Variants in TANC1 observed in about 807,000 individuals in gnomAD.
The protein encoded by TANC1 is protein TANC1.
A neutral mutation model predicts 149.7 loss-of-function variants in TANC1; 77 were observed. That is an observed-to-expected ratio of 0.51 (90% CI 0.43 to 0.62). The LOEUF is 0.62. Ranked by LOEUF, TANC1 falls within the 20% of genes least tolerant of loss-of-function variation. The pLI, the probability that TANC1 is intolerant of heterozygous loss-of-function variation, is 0.00. For synonymous variants in TANC1, 854 were observed against 925.0 expected (o/e 0.92, Z 1.39); for missense variants, 1,985 against 2,321.8 (o/e 0.85, Z 2.98).
In TANC1 at chr2:159,082,033, AGCCCT is replaced by A. The variant is rs1274554080; in HGVS notation, c.62-15594_62-15590del. Among the ~76,000 whole-genome samples the A allele has an allele frequency of 1.2e-4, 19 of 152,370 alleles. 1 individual carries two copies. The highest frequency in any genetic ancestry group is 1.0e-3 in the South Asian group (5 of 4,834). Reference sequence around the variant, plus strand: ...CCCTTCCAGAGCCCACCTGCTGCCCAGCCCTGCCCTGCCCAGCCAAGCCATACCCT... The same window carrying A: ...CCCTTCCAGAGCCCACCTGCTGCCCAGCCCTGCCCAGCCAAGCCATACCCT... On this transcript the variant is annotated intron_variant, in intron 3 of 26. Transcript: ENST00000263635.
At chr2:159,007,520 A>G (rs184623642) in intron 2 of TANC1, among the ~76,000 whole-genome samples, 27 of 152,288 alleles carry the variant, frequency 1.8e-4, no homozygotes, top group Non-Finnish European at 3.2e-4. Flanking sequence ...AGTTGCCTAC[A>G]GTATTCACTA....
chr2:159,172,276 ATCTT>A lies in TANC1; in HGVS notation c.1503+9_1503+12del. On this transcript the variant is annotated splice_donor_5th_base_variant and intron_variant, in intron 11 of 26. Transcript: ENST00000263635. Reference sequence around the variant, plus strand: ...AGTGAAATATCTTGCTTCTAAGGTAATCTTTCTTGTTTTATTGGAGCCTTCCACA... The same window carrying A: ...AGTGAAATATCTTGCTTCTAAGGTAATCTTGTTTTATTGGAGCCTTCCACA... 6.2e-7 allele frequency: 1 copy of A among 1,613,100 alleles called. No individual in the cohort carries two copies. The highest frequency in any genetic ancestry group is 8.5e-7 in the Non-Finnish European group (1 of 1,179,482).
At chr2:159,126,418 A>T (rs2049461615) in intron 4 of TANC1, among the ~76,000 whole-genome samples, 1 of 152,212 alleles carries the variant, frequency 6.6e-6, no homozygotes, top group African/African-American at 2.4e-5. Context: ...TGGGTCACAC[A>T]CAGGCAGAGT....
chr2:158,984,065 G>T (rs879816389), intron 1 of TANC1, among the ~76,000 whole-genome samples: 1 of 152,194 alleles, frequency 6.6e-6, no homozygotes, highest in African/African-American at 2.4e-5. Context: ...GACTGACACT[G>T]CTCCTTCCCA....
chr2:159,092,420 C>G (rs182154913), intron 3 of TANC1, among the ~76,000 whole-genome samples: 23 of 152,184 alleles, frequency 1.5e-4, no homozygotes, highest in African/African-American at 5.3e-4. Flanking sequence ...ATTCATCTCC[C>G]AGATTGACAT....
intron 16 of TANC1, 123 bp downstream of exon 16, chr2:159,187,147 G>C: frequency 8.6e-7 from 1 of 1,161,842 alleles, no homozygotes; most frequent in Non-Finnish European, 1.2e-6. Context: ...AGCTTCTAAA[G>C]ATGTGCTTCC....
intron 2 of TANC1, among the ~76,000 whole-genome samples, chr2:159,057,165 C>T (rs763876447): frequency 6.6e-6 from 1 of 151,766 alleles, no homozygotes; most frequent in Non-Finnish European, 1.5e-5. Flanking sequence ...TGGGCTCAAA[C>T]GATCCTCCCA....
rs2149744646 is a variant in TANC1 at position 159,074,251 on chromosome 2, A to G, written c.61+8280A>G. ...ACGAGCAACTGAGCAGCTGGTTTTA[A>G]TTCTTCACACTCTTAAAGTTTGTCA... On this transcript the variant is annotated intron_variant, in intron 3 of 26. Coordinates refer to ENST00000263635, the MANE Select transcript of TANC1 (RefSeq NM_033394.3). 4.6e-5 allele frequency among the ~76,000 whole-genome samples: 7 copies of G among 152,302 alleles called. 1 individual carries two copies. In the Middle Eastern group the frequency reaches 0.024, roughly 518 times the overall value.
At chr2:159,051,837 A>T (rs1243828666) in intron 2 of TANC1, among the ~76,000 whole-genome samples, 4 of 152,174 alleles carry the variant, frequency 2.6e-5, no homozygotes, top group Admixed American at 2.6e-4. Context: ...TTATTTTATT[A>T]GTCTAGAAAG....
Position 159,219,695 on chromosome 2 carries a change from C to T in TANC1, c.3506C>T (p.Ala1169Val). The change falls in exon 22 of 27, where the codon GCA (alanine) becomes GTA (valine). Residue 1169 changes from alanine (A) to valine (V), a missense_variant. By Grantham distance (64) the Ala-to-Val change is moderately conservative. Transcript: ENST00000263635. Reference protein sequence around the residue: ...STVEFLLSKGAALSSLDKEGL... With the variant: ...STVEFLLSKGVALSSLDKEGL... ...TGTGAATGGGCTTTCCTTTCAGGTGCAGCCCTTTCTTCTCTAGACAAAGAG... is the reference window on the plus strand; with the variant it reads ...TGTGAATGGGCTTTCCTTTCAGGTGTAGCCCTTTCTTCTCTAGACAAAGAG... 3 of 1,614,136 alleles carry T rather than the reference C, an allele frequency of 1.9e-6. No homozygotes were observed. Among genetic ancestry groups the T allele is most frequent in the Non-Finnish European group, 2.5e-6 (3 of 1,179,982 alleles).
rs903520707 is a variant in TANC1, at chr2:159,087,165, G to A, written c.62-10472G>A. On this transcript the variant is annotated intron_variant, in intron 3 of 26. Coordinates refer to ENST00000263635, the MANE Select transcript of TANC1 (RefSeq NM_033394.3). ...TGGTTCAAAAAGCCCGTTCCTGAAA[G>A]AGAAGGCTGTGGAAGAGGGGCAGTT... 1.1e-4 allele frequency among the ~76,000 whole-genome samples: 17 copies of A among 152,236 alleles called. No individual in the cohort carries two copies. In the East Asian group the frequency reaches 3.1e-3, roughly 28 times the overall value.
At chr2:159,229,436 A>AG in intron 26 of TANC1, 142 bp from the exon 27 acceptor site, 1 of 695,092 alleles carries the variant, frequency 1.4e-6, no homozygotes, top group Non-Finnish European at 2.4e-6. Context: ...GGGCTGGTTA[A>AG]GTGGGTCCTG....
rs1401396867 is a variant in TANC1, at chr2:159,229,981, G to A, written c.4555G>A (p.Ala1519Thr). ...CGGCAAGTCCCTGAGAGAGCCTGTG[G>A]CCCAGCCAGGGCTGCTCCTGCAGCC... ...GIGKSLREPV[A>T]QPGLLLQPSK... The change falls in exon 27 of 27, where the codon GCC becomes ACC. Residue 1519 changes from alanine to threonine, a missense_variant. By Grantham distance (58) the Ala-to-Thr change is moderately conservative. This residue lies in a region of TANC1 where 920 missense variants were observed against 994.7 expected (regional missense o/e 0.92). Transcript: ENST00000263635. 2 of 1,614,030 alleles carry A rather than the reference G, an allele frequency of 1.2e-6. No homozygotes were observed. Among genetic ancestry groups the A allele is most frequent in the African/African-American group, 1.3e-5 (1 of 75,066 alleles).
intron 4 of TANC1, among the ~76,000 whole-genome samples, chr2:159,098,320 C>T (rs899692775): frequency 7.9e-5 from 12 of 152,280 alleles, no homozygotes; most frequent in African/African-American, 2.9e-4. Context: ...GGTTTGTAGC[C>T]TAGGAGCAAT....
intron 4 of TANC1, among the ~76,000 whole-genome samples, chr2:159,119,034 A>G (rs1476072915): frequency 6.6e-6 from 1 of 152,106 alleles, no homozygotes; most frequent in East Asian, 1.9e-4. Flanking sequence ...TTTGTCTCTG[A>G]TTGTTCAAAA....
rs1466728374 is a variant in TANC1, at chr2:159,001,148, C to T, written c.-57C>T. 1 of 152,632 alleles carries T rather than the reference C, an allele frequency of 6.6e-6. No homozygotes were observed. The highest frequency in any genetic ancestry group is 1.5e-5 in the Non-Finnish European group (1 of 68,396). The allele number at this position is 152,632 out of a possible 1,614,324, so 9.5% of individuals were successfully genotyped here. ...AAGAGAAAATTGTGAACTAAGGCCC[C>T]CTGCCCCCTTTTCCTGGTGCATGTG... On this transcript the variant is annotated 5_prime_UTR_variant, in exon 2 of 27. Coordinates refer to ENST00000263635, the MANE Select transcript of TANC1 (RefSeq NM_033394.3). The surrounding 1 kb of genome is among the most constrained non-coding windows in gnomAD (Gnocchi z 4.3).
chr2:159,136,053 C>A, intron 4 of TANC1, 141 bp from the exon 5 acceptor site: 3 of 321,560 alleles, frequency 9.3e-6, no homozygotes, highest in Non-Finnish European at 1.5e-5. Flanking sequence ...TGTGTGTGCG[C>A]GCGCGCGCGT....
chr2:159,136,268 G>A lies in TANC1; in HGVS notation c.334G>A (p.Val112Ile). The A allele has an allele frequency of 6.2e-7, 1 of 1,611,780 alleles. No homozygotes were observed. The highest frequency in any genetic ancestry group is 2.2e-5 in the East Asian group (1 of 44,872). ...TGCAGTTATAATGCCATTCAGAGAA[G>A]TAGCCAAGCCAACAGAGCCTGATGA... ...GDAVIMPFRE[V>I]AKPTEPDEHE... The change falls in exon 5 of 27, where the codon GTA becomes ATA. Residue 112 changes from valine to isoleucine, a missense_variant. Physicochemically the swap from Val to Ile is conservative, Grantham distance 29. Coordinates refer to ENST00000263635, the MANE Select transcript of TANC1 (RefSeq NM_033394.3).
At chr2:159,223,810 G>A (rs570297147) in intron 22 of TANC1, among the ~76,000 whole-genome samples, 1 of 152,354 alleles carries the variant, frequency 6.6e-6, no homozygotes, top group Admixed American at 6.5e-5. Context: ...CCGTGCACAG[G>A]TTGTGTGGGT....
Sources: gnomAD v4.1 joint callset for allele counts (sites outside exome capture counted in the v4.1 genomes callset) on GRCh38, gnomAD v4.1.1 for gene constraint, gnomAD v4.1.1 regional missense constraint, Gnocchi (gnomAD v3.1) non-coding constraint, MANE v1.5 for transcripts, NCBI Gene and HGNC (gene_info 2026-07-23, HGNC 2026-07-21) for gene names.